The following MYH7B variants were observed in gnomAD, a reference collection of about 807,000 sequenced individuals.
MYH7B encodes myosin heavy chain 7B.
In MYH7B, 205 loss-of-function variants were observed where a neutral mutation model predicts 234.5. The observed-to-expected ratio is 0.87, with a 90% confidence interval of 0.78 to 0.98. MYH7B has a LOEUF of 0.98. MYH7B is among the 50% of genes least tolerant of loss of function. The pLI, the probability that MYH7B is intolerant of heterozygous loss-of-function variation, is 0.00. For missense variants in MYH7B, 2,652 were observed against 2,633.4 expected (o/e 1.01, Z -0.15); for synonymous variants, 1,193 against 1,105.0 (o/e 1.08, Z -1.58).
At chr20:34,984,575 G>T in intron 10 of MYH7B, 117 bp from the exon 11 acceptor site, 13 of 875,668 alleles carry the variant, frequency 1.5e-5, no homozygotes, top group Non-Finnish European at 2.2e-5. Flanking sequence ...ATGCATTCCG[G>T]TGACTAACTC....
intron 3 of MYH7B, among the ~76,000 whole-genome samples, 184 bp downstream of exon 3, chr20:34,975,683 C>T (rs1416696096): frequency 6.6e-6 from 1 of 152,092 alleles, no homozygotes; most frequent in Non-Finnish European, 1.5e-5. Context: ...AGGGTCTGGG[C>T]GGCTGTAATT....
intron 9 of MYH7B, 105 bp from the exon 10 acceptor site, chr20:34,982,354 T>C (rs1476004839): frequency 1.2e-6 from 1 of 860,530 alleles, no homozygotes; most frequent in South Asian, 1.5e-5. Flanking sequence ...GGTTTCAAGC[T>C]GGGGGGAAGG....
At chr20:34,995,555 G>A (rs2082240987) in exon 28 of MYH7B, 2 of 1,614,032 alleles carry the variant, frequency 1.2e-6, no homozygotes, top group Non-Finnish European at 1.7e-6. Flanking sequence ...AGCTGAGAAG[G>A]AGAAGCAAGC....
chr20:35,001,200 T>G (rs374737305), intron 41 of MYH7B, 42 bp downstream of exon 41: 2 of 1,606,460 alleles, frequency 1.2e-6, no homozygotes, highest in South Asian at 1.1e-5. Context: ...GCAGGGTGGG[T>G]GACCCAGGGG....
intron 2 of MYH7B, among the ~76,000 whole-genome samples, chr20:34,974,129 G>T (rs951865856): frequency 6.6e-6 from 1 of 151,154 alleles, no homozygotes; most frequent in African/African-American, 2.4e-5. Context: ...GTTTCACCAT[G>T]TTGACCAGGC....
intron 2 of MYH7B, 105 bp from the exon 3 acceptor site, chr20:34,975,295 C>A: frequency 2.2e-6 from 1 of 454,646 alleles, no homozygotes. Context: ...ACCTCTGCCT[C>A]CTGGGTTCAA....
intron 1 of MYH7B, among the ~76,000 whole-genome samples, chr20:34,957,142 T>C (rs552407361): frequency 6.6e-6 from 1 of 152,250 alleles, no homozygotes; most frequent in African/African-American, 2.4e-5. Context: ...GTGTGGATAA[T>C]GAGGAAGGGC....
intron 1 of MYH7B, among the ~76,000 whole-genome samples, chr20:34,956,238 CCT>C (rs1484980204): frequency 6.6e-6 from 1 of 152,254 alleles, no homozygotes; most frequent in Admixed American, 6.5e-5. Flanking sequence ...GAAAAATCCC[CCT>C]GATTTTATCT....
chr20:34,980,070 C>T (rs931597654), intron 7 of MYH7B: 18 of 517,076 alleles, frequency 3.5e-5, no homozygotes, highest in Non-Finnish European at 5.6e-5. Context: ...AACTCACCTG[C>T]GGACTATGGA....
At position 34,996,898 on chromosome 20, in the gene MYH7B, G is replaced by C. The variant is rs1396483536; in HGVS notation, c.3266+140G>C. The C allele has an allele frequency of 1.0e-5, 14 of 1,351,678 alleles. No homozygotes were observed. The East Asian group carries it at 3.0e-4, about 29-fold the overall frequency. The allele number at this position is 1,351,678 out of a possible 1,614,324, so 83.7% of individuals were successfully genotyped here. On this transcript the variant is annotated intron_variant, in intron 30 of 44. Transcript: ENST00000262873. ...GATGGGGCACTGGGGTGCAGGGGTA[G>C]TGTCTTGCCCTCCCTGTACTGAGGG...
exon 34 of MYH7B, chr20:34,998,520 G>A (rs774562648): frequency 6.2e-7 from 1 of 1,613,550 alleles, no homozygotes; most frequent in East Asian, 2.2e-5. Context: ...GGGGAGCTGA[G>A]TCGCCTGCTA....
In MYH7B at chr20:35,000,855, C is replaced by T. The variant is rs1216216330; in HGVS notation, c.5266C>T (p.Arg1756Trp). The T allele has an allele frequency of 1.4e-5, 22 of 1,613,530 alleles. No homozygotes were observed. Among genetic ancestry groups the T allele is most frequent in the Non-Finnish European group, 1.7e-5 (20 of 1,179,782 alleles). ...GGTGGAGGAGGCTGCACAGGAGAGGCGGGAGGCTGAGGAGAAGGCCAAAAA... is the reference window on the plus strand; with the variant it reads ...GGTGGAGGAGGCTGCACAGGAGAGGTGGGAGGCTGAGGAGAAGGCCAAAAA... The change falls in exon 40 of 45, where the codon CGG becomes TGG. Residue 1756 changes from arginine to tryptophan, a missense_variant. Coordinates refer to ENST00000262873, the Ensembl canonical transcript of MYH7B.
intron 3 of MYH7B, among the ~76,000 whole-genome samples, chr20:34,976,911 T>C (rs1046508181): frequency 6.6e-6 from 1 of 152,070 alleles, no homozygotes; most frequent in Non-Finnish European, 1.5e-5. Context: ...AGTGGCAGAG[T>C]GGACCTCTGA....
intron 27 of MYH7B, 101 bp downstream of exon 27, chr20:34,994,502 GTC>G (rs2082216712): frequency 7.3e-7 from 1 of 1,365,466 alleles, no homozygotes; most frequent in Non-Finnish European, 9.8e-7. Flanking sequence ...CAGGCCTTAT[GTC>G]TCTCTGTTCC....
Position 35,000,406 on chromosome 20 carries a change from TG to T in MYH7B, c.4897del (p.Glu1633SerfsTer20). The T allele has an allele frequency of 6.2e-7, 1 of 1,600,716 alleles. No individual in the cohort carries two copies. On this transcript the variant is annotated frameshift_variant, in exon 39 of 45. Transcript: ENST00000262873. LOFTEE classifies it high-confidence loss of function. ...AAGATGGAGGGTGACCTCAACGACC[TG>T]GAGCTGCAGCTGGGCCATGCCACCC...
At chr20:34,990,038 C>T in exon 21 of MYH7B, 1 of 1,614,138 alleles carries the variant, frequency 6.2e-7, no homozygotes, top group Non-Finnish European at 8.5e-7. Context: ...TGTGGGCTGG[C>T]TGGAGAAAAA....
chr20:34,998,205 C>A, intron 32 of MYH7B, 90 bp from the exon 33 acceptor site: 2 of 1,482,418 alleles, frequency 1.3e-6, no homozygotes, highest in South Asian at 1.2e-5. Context: ...ATCTAGCTTA[C>A]CAGTCTCTGA....
intron 2 of MYH7B, among the ~76,000 whole-genome samples, chr20:34,964,139 A>G (rs1317599937): frequency 6.6e-6 from 1 of 152,050 alleles, no homozygotes; most frequent in Admixed American, 6.6e-5. Flanking sequence ...AGGTAATACA[A>G]AGTTTCTTTC....
intron 19 of MYH7B, among the ~76,000 whole-genome samples, chr20:34,988,771 G>A (rs2147201487): frequency 6.6e-6 from 1 of 150,686 alleles, no homozygotes; most frequent in South Asian, 2.1e-4. Context: ...CCAGTCACAT[G>A]ACACTTAGGT....
Sources: allele counts gnomAD v4.1 joint callset (sites outside exome capture counted in the v4.1 genomes callset), GRCh38; gene constraint gnomAD v4.1.1; transcripts MANE v1.5; gene names NCBI Gene and HGNC (gene_info 2026-07-23, HGNC 2026-07-21).